The following TRAPPC9 variants were observed in gnomAD, a reference collection of about 807,000 sequenced individuals.
TRAPPC9 encodes the protein IKK2 binding protein.
In TRAPPC9, 83 loss-of-function variants were observed where a neutral mutation model predicts 124.0. The observed-to-expected ratio is 0.67, with a 90% CI of 0.56 to 0.80. TRAPPC9 has a LOEUF of 0.80. Ranked by LOEUF, TRAPPC9 falls within the 30% of genes least tolerant of loss-of-function variation. The pLI is 0.00. For synonymous variants in TRAPPC9, 638 were observed against 617.5 expected, an observed-to-expected ratio of 1.03 and a Z score of -0.49; for missense variants, 1,302 against 1,508.3, an observed-to-expected ratio of 0.86 and a Z score of 2.27.
At chr8:139,914,412 G>A (rs192738023) in intron 19 of TRAPPC9, among the ~76,000 whole-genome samples, 4 of 152,368 alleles carry the variant, frequency 2.6e-5, no homozygotes, top group Admixed American at 2.6e-4. Context: ...AGAGAGGAAG[G>A]GCGGAAGGCG....
intron 17 of TRAPPC9, among the ~76,000 whole-genome samples, chr8:140,037,051 A>G (rs977010452): frequency 5.9e-5 from 9 of 151,852 alleles, no homozygotes; most frequent in African/African-American, 2.2e-4. Flanking sequence ...TTTATCATAC[A>G]GTCTTTCAGC....
At chr8:139,839,398 ACAAGC>A (rs931361407) in intron 21 of TRAPPC9, among the ~76,000 whole-genome samples, 1 of 152,208 alleles carries the variant, frequency 6.6e-6, no homozygotes, top group African/African-American at 2.4e-5. Context: ...ATGGCTTTCG[ACAAGC>A]CAAGTCCATG....
At chr8:140,328,933 G>A (rs182791787) in intron 9 of TRAPPC9, among the ~76,000 whole-genome samples, 25 of 152,250 alleles carry the variant, frequency 1.6e-4, no homozygotes, top group Admixed American at 5.2e-4. Flanking sequence ...GCCACTGGCC[G>A]AGACAGAAGC....
intron 17 of TRAPPC9, among the ~76,000 whole-genome samples, chr8:140,193,756 G>A (rs2062560430): frequency 6.6e-6 from 1 of 152,078 alleles, no homozygotes; most frequent in South Asian, 2.1e-4. Flanking sequence ...GAGGTCAGGT[G>A]ACCAAGGCCA....
intron 9 of TRAPPC9, among the ~76,000 whole-genome samples, chr8:140,314,108 T>G (rs1347003487): frequency 3.3e-5 from 5 of 152,236 alleles, no homozygotes; most frequent in Admixed American, 3.3e-4. Flanking sequence ...GGAAGGATTT[T>G]TTCCTCATCA....
At chr8:140,401,161 T>A (rs371000105) in intron 6 of TRAPPC9, among the ~76,000 whole-genome samples, 1 of 152,336 alleles carries the variant, frequency 6.6e-6, no homozygotes, top group East Asian at 1.9e-4. Context: ...TGGTGTGGCA[T>A]CACTGCTAAT....
chr8:140,448,307 A>C (rs890176691), intron 2 of TRAPPC9, among the ~76,000 whole-genome samples: 4 of 152,220 alleles, frequency 2.6e-5, no homozygotes, highest in Non-Finnish European at 5.9e-5. Context: ...GTCCCACTAC[A>C]GTGAGCAAGC....
Position 140,178,715 on chromosome 8 carries a change from T to G in TRAPPC9, c.2556+42744A>C, listed in dbSNP as rs185002633. Among the ~76,000 whole-genome samples, 51 of 152,256 alleles carry G rather than the reference T, an allele frequency of 3.3e-4. No individual in the cohort carries two copies. The East Asian group carries it at 8.9e-3, about 26-fold the overall frequency. ...ATTGTATTTCCTCTTTATTATAATG[T>G]GATAAAATTTACCAGTGAAATTCTG... On this transcript the variant is annotated intron_variant, in intron 17 of 22. Coordinates refer to ENST00000438773, the MANE Select transcript of TRAPPC9 (RefSeq NM_001160372.4).
rs1288598248 is a variant in TRAPPC9 at position 140,104,240 on chromosome 8, G to C, written c.2557-80161C>G. Among the ~76,000 whole-genome samples, 1 of 152,132 alleles carries C rather than the reference G, an allele frequency of 6.6e-6. No homozygotes were observed. The highest frequency in any genetic ancestry group is 1.5e-5 in the Non-Finnish European group (1 of 68,032). ...TGTCGGCTGTAAGCATAGAGCTATGGAGCCAGATGAAAGACCTCTGCAACA... is the reference window on the plus strand; with the variant it reads ...TGTCGGCTGTAAGCATAGAGCTATGCAGCCAGATGAAAGACCTCTGCAACA... On this transcript the variant is annotated intron_variant, in intron 17 of 22. Transcript: ENST00000438773. This position sits in a 1 kb window ranked among gnomAD's most constrained non-coding sequence, Gnocchi z 4.0.
chr8:140,002,600 T>G (rs1185702541), intron 18 of TRAPPC9, among the ~76,000 whole-genome samples: 4 of 151,988 alleles, frequency 2.6e-5, no homozygotes, highest in African/African-American at 9.7e-5. Flanking sequence ...TACACTAACA[T>G]AGTAGTAAAG....
In TRAPPC9 at chr8:139,912,610, T is replaced by C. The variant is rs139009053; in HGVS notation, c.2811-2310A>G. Reference sequence around the variant, plus strand: ...CATCTCCGAGCAGCATGGACAGGCCTGTCTCCCTCTCTACACCACTGCCAA... The same window carrying C: ...CATCTCCGAGCAGCATGGACAGGCCCGTCTCCCTCTCTACACCACTGCCAA... On this transcript the variant is annotated intron_variant, in intron 19 of 22. Transcript: ENST00000438773. Among the ~76,000 whole-genome samples the C allele has an allele frequency of 6.5e-3, 993 of 152,290 alleles. 13 individuals are homozygous for C. Among genetic ancestry groups the C allele is most frequent in the African/African-American group, 0.022 (932 of 41,566 alleles).
chr8:140,276,478 C>T (rs1330556847), intron 14 of TRAPPC9, among the ~76,000 whole-genome samples: 12 of 152,166 alleles, frequency 7.9e-5, no homozygotes, highest in Non-Finnish European at 8.8e-5. Flanking sequence ...GCAGCCAAGC[C>T]AGATGAACGT....
intron 5 of TRAPPC9, among the ~76,000 whole-genome samples, chr8:140,407,543 T>A (rs546314011): frequency 6.6e-6 from 1 of 152,054 alleles, no homozygotes; most frequent in Non-Finnish European, 1.5e-5. Flanking sequence ...AAGGAACAAG[T>A]GCTCCCTCCA....
At chr8:139,953,505 A>G (rs909000428) in intron 19 of TRAPPC9, among the ~76,000 whole-genome samples, 1 of 152,232 alleles carries the variant, frequency 6.6e-6, no homozygotes, top group African/African-American at 2.4e-5. Flanking sequence ...AAAAATGTGT[A>G]GAAGTAAACA....
At chr8:140,242,237 A>C (rs2063876751) in intron 16 of TRAPPC9, among the ~76,000 whole-genome samples, 1 of 152,260 alleles carries the variant, frequency 6.6e-6, no homozygotes, top group East Asian at 1.9e-4. Flanking sequence ...AGAAAACTGT[A>C]AGACACACCA....
intron 21 of TRAPPC9, among the ~76,000 whole-genome samples, chr8:139,779,519 T>C (rs1212251644): frequency 1.6e-4 from 25 of 152,180 alleles, no homozygotes; most frequent in Admixed American, 1.6e-3. Context: ...GGGCTTATAA[T>C]GTATGTATAA....
intron 21 of TRAPPC9, among the ~76,000 whole-genome samples, chr8:139,843,033 TG>T (rs1201143826): frequency 6.6e-6 from 1 of 152,168 alleles, no homozygotes; most frequent in Non-Finnish European, 1.5e-5. Flanking sequence ...CCAGGCCTGG[TG>T]GTCCAGATAG....
intron 17 of TRAPPC9, among the ~76,000 whole-genome samples, chr8:140,057,844 A>G (rs187094756): frequency 6.6e-6 from 1 of 152,314 alleles, no homozygotes; most frequent in East Asian, 1.9e-4. Context: ...TTCTTCCCAC[A>G]ATGGAAAAAA....
intron 18 of TRAPPC9, among the ~76,000 whole-genome samples, chr8:140,007,808 T>C (rs538607021): frequency 1.3e-5 from 2 of 152,226 alleles, no homozygotes; most frequent in African/African-American, 4.8e-5. Flanking sequence ...TTTAGTAATA[T>C]ACCAATCTAA....
Sources: allele counts gnomAD v4.1 joint callset (sites outside exome capture counted in the v4.1 genomes callset), GRCh38; gene constraint gnomAD v4.1.1; non-coding constraint Gnocchi (gnomAD v3.1); transcripts MANE v1.5; gene names NCBI Gene and HGNC (gene_info 2026-07-23, HGNC 2026-07-21).